Variants in PDZD2 observed in about 807,000 individuals in gnomAD.
PDZD2 encodes the protein PDZ domain containing 2, also known as PDZ domain-containing protein 2.
In PDZD2, 90 loss-of-function variants were observed where a neutral mutation model predicts 220.7. The ratio of observed to expected loss-of-function variants is 0.41; its 90% CI spans 0.34 to 0.49. PDZD2 has a LOEUF of 0.49. PDZD2 is among the 20% of genes least tolerant of loss of function. PDZD2 has a pLI of 0.28. For missense variants in PDZD2, 3,174 were observed against 3,608.5 expected, an observed-to-expected ratio of 0.88 and a Z score of 3.08; for synonymous variants, 1,375 against 1,450.5, an observed-to-expected ratio of 0.95 and a Z score of 1.18.
At chr5:31,647,834 TG>T (rs1273179523) in intron 1 of PDZD2, among the ~76,000 whole-genome samples, 1 of 152,096 alleles carries the variant, frequency 6.6e-6, no homozygotes, top group African/African-American at 2.4e-5. Context: ...GATGGAAAAA[TG>T]GTGATACATT....
At chr5:31,896,957 C>T (rs999396063) in intron 2 of PDZD2, among the ~76,000 whole-genome samples, 1 of 152,132 alleles carries the variant, frequency 6.6e-6, no homozygotes, top group African/African-American at 2.4e-5. Flanking sequence ...TCTCAAAAAC[C>T]AGTTACAAAG....
chr5:31,969,161 G>A (rs1001128537), intron 2 of PDZD2, among the ~76,000 whole-genome samples: 2 of 152,024 alleles, frequency 1.3e-5, no homozygotes, highest in Non-Finnish European at 2.9e-5. Context: ...TCTCTTCAGG[G>A]TAATGGGGCA....
intron 2 of PDZD2, among the ~76,000 whole-genome samples, chr5:31,939,986 C>T (rs554859268): frequency 1.4e-4 from 22 of 152,328 alleles, no homozygotes; most frequent in Non-Finnish European, 2.2e-4. Flanking sequence ...TCAATAATTT[C>T]GTGGCTCAGT....
chr5:31,649,261 G>C (rs898010348), intron 1 of PDZD2, among the ~76,000 whole-genome samples: 1 of 151,960 alleles, frequency 6.6e-6, no homozygotes, highest in African/African-American at 2.4e-5. Flanking sequence ...TGTGATTCAG[G>C]CTCCTTGCCC....
intron 2 of PDZD2, among the ~76,000 whole-genome samples, chr5:31,868,794 C>T (rs1369750275): frequency 6.6e-6 from 1 of 152,066 alleles, no homozygotes; most frequent in African/African-American, 2.4e-5. Context: ...GTTTTTGAGA[C>T]AGAGTCTTGC....
chr5:31,672,317 C>T (rs1243071001), intron 1 of PDZD2, among the ~76,000 whole-genome samples: 1 of 152,180 alleles, frequency 6.6e-6, no homozygotes, highest in East Asian at 1.9e-4. Flanking sequence ...GCTGCTACAG[C>T]CAATTGGTGG....
At chr5:31,855,867 G>C (rs1298643879) in intron 2 of PDZD2, among the ~76,000 whole-genome samples, 10 of 152,198 alleles carry the variant, frequency 6.6e-5, no homozygotes, top group Non-Finnish European at 5.9e-5. Flanking sequence ...CTCTCTACTA[G>C]GTAGTTGATA....
intron 2 of PDZD2, among the ~76,000 whole-genome samples, chr5:31,842,433 C>T (rs138033762): frequency 0.013 from 1,989 of 152,304 alleles, 23 homozygotes; most frequent in Non-Finnish European, 0.021. Context: ...CTCACCCGGC[C>T]GCTCATTCTG....
Position 31,799,226 on chromosome 5 carries a change from G to T in PDZD2, c.-23G>T, listed in dbSNP as rs1398645292. The T allele has an allele frequency of 6.6e-7, 1 of 1,519,698 alleles. No homozygotes were observed. Among genetic ancestry groups the T allele is most frequent in the Non-Finnish European group, 9.0e-7 (1 of 1,112,198 alleles). 94.1% of individuals were successfully genotyped at this position (1,519,698 alleles called of 1,614,324 possible). The stretch of plus-strand genomic sequence containing the variant: ...CCCCAGGAGCAAGACCTCTGATGAT[G>T]CTGGTGTCTGGGAGTGAGCACCATG... On this transcript the variant is annotated 5_prime_UTR_variant, in exon 2 of 25. An upstream start codon of the reference 5' UTR is lost. Coordinates refer to ENST00000438447, the MANE Select transcript of PDZD2 (RefSeq NM_178140.4).
chr5:31,681,109 G>T (rs1746635378), intron 1 of PDZD2, among the ~76,000 whole-genome samples: 1 of 152,104 alleles, frequency 6.6e-6, no homozygotes, highest in Non-Finnish European at 1.5e-5. Context: ...ACCATTGCCA[G>T]ATATCACTAA....
intron 21 of PDZD2, among the ~76,000 whole-genome samples, chr5:32,096,169 G>A (rs556984034): frequency 5.5e-4 from 84 of 152,164 alleles, no homozygotes; most frequent in Non-Finnish European, 1.1e-3. Context: ...ACTGGGTCCC[G>A]TATTCCCATT....
At chr5:31,863,332 T>C (rs930658760) in intron 2 of PDZD2, among the ~76,000 whole-genome samples, 1 of 152,210 alleles carries the variant, frequency 6.6e-6, no homozygotes, top group African/African-American at 2.4e-5. Flanking sequence ...AGCACTGATA[T>C]TTTTGTAGCT....
intron 2 of PDZD2, among the ~76,000 whole-genome samples, chr5:31,834,709 G>A (rs1301947567): frequency 1.3e-5 from 2 of 148,734 alleles, no homozygotes; most frequent in Non-Finnish European, 3.0e-5. Context: ...ATCTTACTTG[G>A]AGCATTGCAC....
At chr5:31,838,495 C>T (rs1025392200) in intron 2 of PDZD2, among the ~76,000 whole-genome samples, 2 of 152,206 alleles carry the variant, frequency 1.3e-5, no homozygotes, top group Non-Finnish European at 2.9e-5. Context: ...AATTAACCTT[C>T]GTTTTCTACT....
chr5:31,845,981 C>T (rs1757560920), intron 2 of PDZD2, among the ~76,000 whole-genome samples: 1 of 152,202 alleles, frequency 6.6e-6, no homozygotes. Context: ...CACAATCCCC[C>T]TTCCTGTGTG....
At chr5:31,890,439 A>G (rs1019236180) in intron 2 of PDZD2, among the ~76,000 whole-genome samples, 13 of 152,166 alleles carry the variant, frequency 8.5e-5, no homozygotes, top group South Asian at 4.1e-4. Context: ...CTCACAAGGG[A>G]CAGAGGTTTG....
At chr5:31,752,892 C>T (rs966475192) in intron 1 of PDZD2, among the ~76,000 whole-genome samples, 6 of 152,100 alleles carry the variant, frequency 3.9e-5, no homozygotes, top group East Asian at 3.8e-4. Flanking sequence ...ATCTTCTCAA[C>T]GATCATACCC....
At chr5:32,001,507 A>G (rs947330967) in intron 5 of PDZD2, among the ~76,000 whole-genome samples, 1 of 151,998 alleles carries the variant, frequency 6.6e-6, no homozygotes, top group African/African-American at 2.4e-5. Flanking sequence ...CAGCGCCAGG[A>G]CCCGGGCCCT....
chr5:31,755,827 G>A (rs1751276397), intron 1 of PDZD2, among the ~76,000 whole-genome samples: 1 of 152,132 alleles, frequency 6.6e-6, no homozygotes, highest in Non-Finnish European at 1.5e-5. Context: ...GCTATGTCAT[G>A]AGTGGGCAGG....
Sources: gnomAD v4.1 joint callset for allele counts (sites outside exome capture counted in the v4.1 genomes callset) on GRCh38, gnomAD v4.1.1 for gene constraint, MANE v1.5 for transcripts, NCBI Gene and HGNC (gene_info 2026-07-23, HGNC 2026-07-21) for gene names.